FXR2: variants seen among roughly 807,000 people sequenced by gnomAD.
FXR2 encodes the protein RNA-binding protein FXR2.
Under a neutral mutation model 87.3 loss-of-function variants are expected in FXR2, and 9 were observed. The observed-to-expected ratio is 0.10, with a 90% CI of 0.06 to 0.18. The LOEUF (loss-of-function observed/expected upper bound fraction) is 0.18. Ranked by LOEUF, FXR2 falls within the 10% of genes least tolerant of loss-of-function variation. The probability of loss-of-function intolerance (pLI) is 1.00; values close to 1 mark genes in which losing one functional copy is unlikely to be tolerated. For synonymous variants in FXR2, 331 were observed against 328.3 expected (o/e 1.01, Z -0.09); for missense variants, 661 against 893.6 (o/e 0.74, Z 3.32).
chr17:7,609,262 C>A (rs2071829685), intron 1 of FXR2, among the ~76,000 whole-genome samples: 2 of 152,330 alleles, frequency 1.3e-5, no homozygotes, highest in South Asian at 4.1e-4. Flanking sequence ...CAGCTCCCAC[C>A]TCATAGAACT....
chr17:7,595,281 AT>A lies in FXR2; in HGVS notation c.832-525del, dbSNP rs1567748684. On this transcript the variant is annotated intron_variant, in intron 8 of 16. Transcript: ENST00000250113. This position sits in a 1 kb window ranked among gnomAD's most constrained non-coding sequence, Gnocchi z 4.7. ...AGCTTGGGCAACAGAGATCTGGTCT[AT>A]TTTTTTGATTTTTTGGTCTCACTCT... 6.6e-6 allele frequency among the ~76,000 whole-genome samples: 1 copy of A among 151,872 alleles called. No homozygotes were observed. Among genetic ancestry groups the A allele is most frequent in the African/African-American group, 2.4e-5 (1 of 41,338 alleles).
In FXR2 at chr17:7,595,476, T is replaced by C. The variant is rs9895255; in HGVS notation, c.831+348A>G. ...TAACGTTTTTTGGTTTTTGGTTTTT[T>C]TGGGGGGTAAAGACAGGGTCTCTCT... On this transcript the variant is annotated intron_variant, in intron 8 of 16. Coordinates refer to ENST00000250113, the MANE Select transcript of FXR2 (RefSeq NM_004860.4). The surrounding 1 kb of genome is among the most constrained non-coding windows in gnomAD (Gnocchi z 4.7). 0.021 allele frequency among the ~76,000 whole-genome samples: 3,144 copies of C among 148,968 alleles called. 109 individuals are homozygous for C. The highest frequency in any genetic ancestry group is 0.071 in the African/African-American group (2,889 of 40,836).
At chr17:7,598,685 G>GTT (rs891573178) in intron 7 of FXR2, among the ~76,000 whole-genome samples, 36 of 152,286 alleles carry the variant, frequency 2.4e-4, no homozygotes, top group African/African-American at 8.4e-4. Flanking sequence ...ACGACAGAAT[G>GTT]AGACTCCGTC....
rs1240216771 is a variant in FXR2 at position 7,614,723 on chromosome 17, TCCG to T, written c.-194_-192del. ...GGGGCCGGGGCCGGGCCGCTCCCCG[TCCG>T]CCGCCGCCGCCTTGGTCTCCGCCAC... On this transcript the variant is annotated 5_prime_UTR_variant, in exon 1 of 17. Transcript: ENST00000250113. The T allele has an allele frequency of 7.5e-5, 20 of 267,384 alleles. No homozygotes were observed. The highest frequency in any genetic ancestry group is 2.1e-4 in the East Asian group (3 of 14,296). 16.6% of individuals were successfully genotyped at this position (267,384 alleles called of 1,614,324 possible). A position where few individuals can be genotyped will look rare whatever the true frequency, so the allele number is the denominator to read the frequency against.
intron 1 of FXR2, among the ~76,000 whole-genome samples, chr17:7,611,439 G>C (rs1042385120): frequency 2.0e-5 from 3 of 152,144 alleles, no homozygotes; most frequent in African/African-American, 7.2e-5. Flanking sequence ...AGGCCAAGGC[G>C]GGCGAATCTC....
chr17:7,591,731 T>C lies in FXR2; in HGVS notation c.*99A>G. On this transcript the variant is annotated 3_prime_UTR_variant, in exon 17 of 17. Coordinates refer to ENST00000250113, the MANE Select transcript of FXR2 (RefSeq NM_004860.4). The surrounding 1 kb of genome is among the most constrained non-coding windows in gnomAD (Gnocchi z 4.0). The stretch of plus-strand genomic sequence containing the variant: ...GCTGCTGTGCCACCCCCCTCCCCCC[T>C]AGATAAGAGCAGCTCCAGCGCAGGT... 1.3e-6 allele frequency: 1 copy of C among 746,568 alleles called. No homozygotes were observed. The highest frequency in any genetic ancestry group is 1.5e-5 in the South Asian group (1 of 68,242). 46.2% of individuals were successfully genotyped at this position (746,568 alleles called of 1,614,324 possible). A position where few individuals can be genotyped will look rare whatever the true frequency, so the allele number is the denominator to read the frequency against.
intron 7 of FXR2, among the ~76,000 whole-genome samples, chr17:7,599,601 G>T (rs561755910): frequency 6.6e-6 from 1 of 152,306 alleles, no homozygotes; most frequent in South Asian, 2.1e-4. Context: ...GTCAGGCCAG[G>T]CGTGGTGGCT....
Position 7,592,869 on chromosome 17 carries a change from G to A in FXR2, c.1554C>T (p.Pro518=), listed in dbSNP as rs2071676597. The change falls in exon 14 of 17, where the codon CCC becomes CCT. Residue 518 remains proline (P), a synonymous_variant. Coordinates refer to ENST00000250113, the MANE Select transcript of FXR2 (RefSeq NM_004860.4). This position sits in a 1 kb window ranked among gnomAD's most constrained non-coding sequence, Gnocchi z 4.8. ...GTTCAGACGTGTCCAATAGGCTGTA[G>A]GGATTACTGTCTGGATCCTTCAGCA... The part of the protein sequence containing the change: ...SSVLKDPDSN[P]YSLLDTSEPE... 1.3e-6 allele frequency: 2 copies of A among 1,593,614 alleles called. No individual in the cohort carries two copies. Among genetic ancestry groups the A allele is most frequent in the African/African-American group, 2.7e-5 (2 of 74,210 alleles).
At chr17:7,609,127 A>G (rs1238881777) in intron 1 of FXR2, among the ~76,000 whole-genome samples, 1 of 152,218 alleles carries the variant, frequency 6.6e-6, no homozygotes, top group Non-Finnish European at 1.5e-5. Context: ...CAAAATAAAT[A>G]AACAAAAATA....
Position 7,593,582 on chromosome 17 carries a change from T to C in FXR2, c.1151A>G (p.Gln384Arg). 1 of 1,598,288 alleles carries C rather than the reference T, an allele frequency of 6.3e-7. No homozygotes were observed. Among genetic ancestry groups the C allele is most frequent in the Non-Finnish European group, 8.5e-7 (1 of 1,173,674 alleles). The change falls in exon 12 of 17, where the codon CAG (glutamine) becomes CGG (arginine). Residue 384 changes from glutamine (Q) to arginine (R), a missense_variant. Around this residue, in one of 3 missense-constraint regions of FXR2, gnomAD observed 409 missense variants for 432.0 expected, o/e 0.95. Coordinates refer to ENST00000250113, the MANE Select transcript of FXR2 (RefSeq NM_004860.4). This position sits in a 1 kb window ranked among gnomAD's most constrained non-coding sequence, Gnocchi z 6.1. ...LRLERLQIDE[Q>R]LRQIGLGFRP... ...AAAGCCCAGCCCAATCTGCCGAAGC[T>C]GCTCATCAATTTGTAGCCTCTCCAA...
intron 1 of FXR2, among the ~76,000 whole-genome samples, chr17:7,609,172 G>C (rs921226001): frequency 6.6e-6 from 1 of 152,166 alleles, no homozygotes; most frequent in African/African-American, 2.4e-5. Context: ...TAATACACAA[G>C]AACTATTCAT....
chr17:7,605,811 T>C (rs1567752305), intron 2 of FXR2, 73 bp from the exon 3 acceptor site: 1 of 894,950 alleles, frequency 1.1e-6, no homozygotes, highest in South Asian at 1.4e-5. Flanking sequence ...AAAAGGGTTA[T>C]TGCCTCAGCT....
At chr17:7,599,151 A>T (rs566495831) in intron 7 of FXR2, among the ~76,000 whole-genome samples, 2,056 of 144,328 alleles carry the variant, frequency 0.014, 46 homozygotes, top group African/African-American at 0.048. Context: ...AAAAAAAAAA[A>T]TAGCCAGGTA....
intron 1 of FXR2, among the ~76,000 whole-genome samples, chr17:7,613,469 T>C (rs575268479): frequency 6.6e-6 from 1 of 152,114 alleles, no homozygotes; most frequent in African/African-American, 2.4e-5. Context: ...GGTGGTATTA[T>C]AAGGAGTTCT....
chr17:7,597,483 C>CTTTT (rs56705018), intron 7 of FXR2, among the ~76,000 whole-genome samples: 3 of 145,728 alleles, frequency 2.1e-5, no homozygotes, highest in Admixed American at 6.9e-5. Context: ...GCTGGGTTTT[C>CTTTT]TTTTTTTTTT....
In FXR2 at chr17:7,612,914, C is replaced by T. The variant is rs139246804; in HGVS notation, c.81+1538G>A. On this transcript the variant is annotated intron_variant, in intron 1 of 16. Transcript: ENST00000250113. ...GGGAGGCTGAGGCAGGAGAATGGCG[C>T]GAACCAGGGAGGCGGAGCTTGCAGT... 7.6e-3 allele frequency among the ~76,000 whole-genome samples: 1,088 copies of T among 142,450 alleles called. 21 individuals are homozygous for T. The highest frequency in any genetic ancestry group is 0.024 in the African/African-American group (920 of 38,722). The allele number at this position is 142,450 out of a possible 152,430, so 93.5% of individuals were successfully genotyped here.
In FXR2 at chr17:7,614,682, C is replaced by T. The variant is rs1336759830; in HGVS notation, c.-150G>A. ...CGGGCCGGCCCCACGGCGGCCCTGC[C>T]ACAGCCAACGAGCAGGGGGCCGGGG... On this transcript the variant is annotated 5_prime_UTR_variant, in exon 1 of 17. Transcript: ENST00000250113. 1 of 354,040 alleles carries T rather than the reference C, an allele frequency of 2.8e-6. No homozygotes were observed. The highest frequency in any genetic ancestry group is 2.2e-5 in the African/African-American group (1 of 46,440). The allele number at this position is 354,040 out of a possible 1,614,324, so 21.9% of individuals were successfully genotyped here. A position where few individuals can be genotyped will look rare whatever the true frequency, so the allele number is the denominator to read the frequency against.
In FXR2 at chr17:7,592,908, G is replaced by A. The variant is rs1391630845; in HGVS notation, c.1529-14C>T. ...GATCCTTCAGCACTGGTCAGAGGAA[G>A]AAGAGGAGGAGTTGGCAGTCAGGTG... is the stretch of plus-strand genomic sequence containing the variant. On this transcript the variant is annotated splice_polypyrimidine_tract_variant and intron_variant, in intron 13 of 16. Coordinates refer to ENST00000250113, the MANE Select transcript of FXR2 (RefSeq NM_004860.4). This position sits in a 1 kb window ranked among gnomAD's most constrained non-coding sequence, Gnocchi z 4.8. 4 of 1,557,088 alleles carry A rather than the reference G, an allele frequency of 2.6e-6. No individual in the cohort carries two copies. The highest frequency in any genetic ancestry group is 2.7e-5 in the African/African-American group (2 of 72,870).
intron 2 of FXR2, 138 bp from the exon 3 acceptor site, chr17:7,605,876 T>C: frequency 1.5e-5 from 10 of 663,696 alleles, no homozygotes; most frequent in South Asian, 7.1e-5. Context: ...CCCTGCTCCA[T>C]AGTAGTGTCT....
Sources: allele counts gnomAD v4.1 joint callset (sites outside exome capture counted in the v4.1 genomes callset), GRCh38; gene constraint gnomAD v4.1.1; regional missense constraint gnomAD v4.1.1; non-coding constraint Gnocchi (gnomAD v3.1); transcripts MANE v1.5; gene names NCBI Gene and HGNC (gene_info 2026-07-23, HGNC 2026-07-21).